Variants in RB1 observed in about 807,000 individuals in gnomAD.
RB1 encodes RB transcriptional corepressor 1, also known as retinoblastoma-associated protein.
RB1 carries 18 observed loss-of-function variants against 135.4 expected under a neutral mutation model. That is an observed-to-expected ratio of 0.13 (90% CI 0.09 to 0.20). RB1 has a LOEUF of 0.20. RB1 is among the 10% of genes least tolerant of loss of function. RB1 has a pLI of 1.00. For synonymous variants in RB1, 365 were observed against 373.2 expected (o/e 0.98, Z 0.25); for missense variants, 868 against 1,110.0 (o/e 0.78, Z 3.10).
chr13:48,304,147 A>G (rs1952056609), intron 1 of RB1, 98 bp downstream of exon 1: 1 of 1,266,874 alleles, frequency 7.9e-7, no homozygotes, highest in Admixed American at 4.2e-5. Flanking sequence ...CGTCCTCGCC[A>G]GGGGCCGGGT....
chr13:48,327,606 T>G (rs1489314404), intron 2 of RB1, among the ~76,000 whole-genome samples: 3 of 152,226 alleles, frequency 2.0e-5, no homozygotes, highest in South Asian at 2.1e-4. Context: ...TTTATCTAAA[T>G]GTACTTTCAG....
chr13:48,366,916 C>G (rs2138119757), intron 9 of RB1, among the ~76,000 whole-genome samples: 1 of 152,100 alleles, frequency 6.6e-6, no homozygotes, highest in South Asian at 2.1e-4. Flanking sequence ...GTCAGGAGTT[C>G]AAGACCAGCT....
At chr13:48,320,345 T>C (rs1422066210) in intron 2 of RB1, 29 of 1,255,074 alleles carry the variant, frequency 2.3e-5, no homozygotes, top group African/African-American at 4.4e-5. Context: ...ACCCGGGCGC[T>C]CACCGACACG....
intron 17 of RB1, among the ~76,000 whole-genome samples, chr13:48,432,449 C>A (rs963948024): frequency 4.7e-5 from 7 of 150,514 alleles, no homozygotes; most frequent in African/African-American, 1.7e-4. Flanking sequence ...GGGCTACTTG[C>A]CAGTGTTCTG....
chr13:48,405,578 C>T (rs1256452009), intron 17 of RB1, among the ~76,000 whole-genome samples: 2 of 152,170 alleles, frequency 1.3e-5, no homozygotes, highest in African/African-American at 4.8e-5. Context: ...TTGTCTGTGG[C>T]TGCTTTTGCA....
intron 17 of RB1, among the ~76,000 whole-genome samples, chr13:48,399,821 T>C (rs895506022): frequency 2.6e-5 from 4 of 152,070 alleles, no homozygotes; most frequent in Non-Finnish European, 5.9e-5. Context: ...GTCTGATCCC[T>C]AAGTCTATTC....
chr13:48,378,563 G>A (rs1952852119), intron 13 of RB1, among the ~76,000 whole-genome samples: 1 of 151,780 alleles, frequency 6.6e-6, no homozygotes, highest in South Asian at 2.1e-4. Flanking sequence ...AGCTGCCTGA[G>A]GGTGTTTTAC....
chr13:48,326,709 G>A (rs1427224234), intron 2 of RB1, among the ~76,000 whole-genome samples: 4 of 151,930 alleles, frequency 2.6e-5, no homozygotes, highest in Non-Finnish European at 5.9e-5. Flanking sequence ...AGTTATTACC[G>A]ACTAAAAGAG....
chr13:48,327,884 T>A (rs1952301414), intron 2 of RB1, among the ~76,000 whole-genome samples: 1 of 152,226 alleles, frequency 6.6e-6, no homozygotes, highest in Non-Finnish European at 1.5e-5. Context: ...AATTAGCAAA[T>A]GTCTTGAAAT....
Position 48,364,857 on chromosome 13 carries a change from A to C in RB1, c.862-37A>C, listed in dbSNP as rs560323794. 2.6e-6 allele frequency: 4 copies of C among 1,541,978 alleles called. No homozygotes were observed. In the South Asian group the frequency reaches 3.6e-5, roughly 14 times the overall value. ...AGTCAAGAGATTAGATTTTGTTTTA[A>C]ATTTTAATGATCATGTTGTAACTTC... On this transcript the variant is annotated intron_variant, in intron 8 of 26. Coordinates refer to ENST00000267163, the MANE Select transcript of RB1 (RefSeq NM_000321.3).
chr13:48,427,165 C>T (rs141486407), intron 17 of RB1, among the ~76,000 whole-genome samples: 1,511 of 150,268 alleles, frequency 0.01, 11 homozygotes, highest in Middle Eastern at 0.024. Context: ...CACTTCAACA[C>T]GAGTCATCTA....
chr13:48,402,326 C>T (rs959512682), intron 17 of RB1, among the ~76,000 whole-genome samples: 1 of 146,768 alleles, frequency 6.8e-6, no homozygotes. Flanking sequence ...CAATGAAGAA[C>T]AAATGGCCTG....
chr13:48,376,019 TATA>T (rs761350485), intron 12 of RB1, among the ~76,000 whole-genome samples: 10 of 151,866 alleles, frequency 6.6e-5, no homozygotes, highest in Non-Finnish European at 1.2e-4. Context: ...ATATGAATTA[TATA>T]ATATTATATA....
intron 17 of RB1, among the ~76,000 whole-genome samples, chr13:48,428,591 G>A (rs939699508): frequency 1.3e-5 from 2 of 152,216 alleles, no homozygotes; most frequent in African/African-American, 4.8e-5. Context: ...CTTTAAATGA[G>A]TAAGCTCTGC....
At position 48,345,028 on chromosome 13, in the gene RB1, A is replaced by G. The variant is rs1303773820; in HGVS notation, c.381-52A>G. On this transcript the variant is annotated intron_variant, in intron 3 of 26. Transcript: ENST00000267163. Reference sequence around the variant, plus strand: ...ATATCTATGATTTGAAAACGAAATAACACAAATTTTTAAGGTTACTGATTT... The same window carrying G: ...ATATCTATGATTTGAAAACGAAATAGCACAAATTTTTAAGGTTACTGATTT... The G allele has an allele frequency of 1.0e-5, 16 of 1,574,000 alleles. No individual in the cohort carries two copies. The East Asian group carries it at 1.6e-4, about 16-fold the overall frequency.
intron 2 of RB1, among the ~76,000 whole-genome samples, chr13:48,308,762 T>G (rs1325084722): frequency 6.6e-6 from 1 of 152,176 alleles, no homozygotes; most frequent in African/African-American, 2.4e-5. Context: ...ATGTGAAATG[T>G]TCATTTAACA....
intron 2 of RB1, among the ~76,000 whole-genome samples, chr13:48,311,820 C>G (rs1341316936): frequency 6.6e-6 from 1 of 152,216 alleles, no homozygotes; most frequent in African/African-American, 2.4e-5. Flanking sequence ...ATTCTCCTGT[C>G]TCAGCCTCCC....
In RB1 at chr13:48,367,954, A is replaced by T. The variant is rs4151503; in HGVS notation, c.1049+351A>T. On this transcript the variant is annotated intron_variant, in intron 10 of 26. Coordinates refer to ENST00000267163, the MANE Select transcript of RB1 (RefSeq NM_000321.3). The stretch of plus-strand genomic sequence containing the variant: ...ATACTATTGCCTGCCTGGTTTATTT[A>T]AAAAAGTTTATACAAAAGTGTAGTC... Among the ~76,000 whole-genome samples the T allele has an allele frequency of 4.4e-3, 666 of 152,246 alleles. 7 individuals are homozygous for T. The highest frequency in any genetic ancestry group is 0.016 in the African/African-American group (645 of 41,572).
At chr13:48,340,898 G>A (rs74075928) in intron 2 of RB1, 5,062 of 153,210 alleles carry the variant, frequency 0.033, 288 homozygotes, top group African/African-American at 0.12. Context: ...CAGTAAGTAT[G>A]TAACATAGTT....
Sources: gnomAD v4.1 joint callset for allele counts (sites outside exome capture counted in the v4.1 genomes callset) on GRCh38, gnomAD v4.1.1 for gene constraint, MANE v1.5 for transcripts, NCBI Gene and HGNC (gene_info 2026-07-23, HGNC 2026-07-21) for gene names.